SORCS1: variants seen among roughly 807,000 people sequenced by gnomAD.
The protein encoded by SORCS1 is VPS10 domain-containing receptor SorCS1.
In SORCS1, 60 loss-of-function variants were observed where a neutral mutation model predicts 146.1. That is an observed-to-expected ratio of 0.41 (90% CI 0.33 to 0.51). The LOEUF (loss-of-function observed/expected upper bound fraction) is 0.51. Among genes scored for constraint, SORCS1 ranks in the 20% least tolerant of loss-of-function variants. SORCS1 has a pLI of 0.21. For synonymous variants in SORCS1, 637 were observed against 584.0 expected (o/e 1.09, Z -1.31); for missense variants, 1,352 against 1,487.6 (o/e 0.91, Z 1.50).
At chr10:107,096,505 ATT>A (rs1964552573) in intron 1 of SORCS1, among the ~76,000 whole-genome samples, 1 of 151,974 alleles carries the variant, frequency 6.6e-6, no homozygotes, top group Non-Finnish European at 1.5e-5. Context: ...ACCTATCAAT[ATT>A]TTTATTATTT....
At chr10:107,096,548 T>A (rs894504033) in intron 1 of SORCS1, among the ~76,000 whole-genome samples, 2 of 152,182 alleles carry the variant, frequency 1.3e-5, no homozygotes, top group African/African-American at 4.8e-5. Flanking sequence ...AGTCTCCTTC[T>A]GTCGCCAGGC....
intron 3 of SORCS1, among the ~76,000 whole-genome samples, chr10:106,812,221 C>G (rs919012889): frequency 6.6e-6 from 1 of 152,034 alleles, no homozygotes; most frequent in African/African-American, 2.4e-5. Flanking sequence ...AGGATGGTCT[C>G]GATCTCCTGA....
At position 107,112,344 on chromosome 10, in the gene SORCS1, G is replaced by A. The variant is rs139610425; in HGVS notation, c.558+51625C>T. On this transcript the variant is annotated intron_variant, in intron 1 of 25. Coordinates refer to ENST00000263054, the MANE Select transcript of SORCS1 (RefSeq NM_052918.5). ...ATATTATAATTTTAGGATGTTTTAC[G>A]TATGTTCCATGGTAAGGTAACCAGA... 9.2e-5 allele frequency among the ~76,000 whole-genome samples: 14 copies of A among 152,070 alleles called. No homozygotes were observed. The East Asian group carries it at 1.9e-3, about 21-fold the overall frequency.
intron 1 of SORCS1, among the ~76,000 whole-genome samples, chr10:107,002,816 T>C (rs567550624): frequency 7.7e-4 from 118 of 152,302 alleles, no homozygotes; most frequent in Non-Finnish European, 1.2e-3. Flanking sequence ...TAAACACAGA[T>C]GTAAAAGTGC....
chr10:107,120,114 T>C (rs1433340143), intron 1 of SORCS1, among the ~76,000 whole-genome samples: 1 of 152,188 alleles, frequency 6.6e-6, no homozygotes, highest in Non-Finnish European at 1.5e-5. Context: ...TCATTCTTAC[T>C]GTTTATTAGA....
chr10:106,586,826 C>T lies in SORCS1; in HGVS notation c.3266-7352G>A, dbSNP rs1447831887. ...AAAATATTAATTGGATGTGGTGGTGCGTGCCTGTAGTCCTAGCTACTCGAG... is the reference window on the plus strand; with the variant it reads ...AAAATATTAATTGGATGTGGTGGTGTGTGCCTGTAGTCCTAGCTACTCGAG... On this transcript the variant is annotated intron_variant, in intron 24 of 25. Transcript: ENST00000263054. Among the ~76,000 whole-genome samples the T allele has an allele frequency of 2.6e-5, 4 of 152,152 alleles. No individual in the cohort carries two copies. The East Asian group carries it at 7.7e-4, about 29-fold the overall frequency.
intron 3 of SORCS1, among the ~76,000 whole-genome samples, chr10:106,805,111 A>G (rs1947097187): frequency 6.6e-6 from 1 of 152,208 alleles, no homozygotes; most frequent in Admixed American, 6.5e-5. Flanking sequence ...GGACTTGAAA[A>G]GGTATTTTAT....
At chr10:106,656,329 T>C (rs1850283639) in intron 17 of SORCS1, among the ~76,000 whole-genome samples, 1 of 152,098 alleles carries the variant, frequency 6.6e-6, no homozygotes, top group South Asian at 2.1e-4. Flanking sequence ...GGTGAGCAGA[T>C]CATGAGGTCA....
intron 22 of SORCS1, among the ~76,000 whole-genome samples, chr10:106,608,540 G>A (rs922019559): frequency 1.3e-5 from 2 of 152,106 alleles, no homozygotes; most frequent in Non-Finnish European, 1.5e-5. Context: ...CTTCCTGGGT[G>A]TATTGTGCTA....
intron 1 of SORCS1, among the ~76,000 whole-genome samples, chr10:107,035,594 A>G (rs1958873115): frequency 6.6e-6 from 1 of 152,196 alleles, no homozygotes; most frequent in Admixed American, 6.5e-5. Context: ...CAGATTTTCT[A>G]CAGATGAGGC....
chr10:107,164,560 C>T lies in SORCS1; in HGVS notation c.-34G>A. 1 of 1,323,886 alleles carries T rather than the reference C, an allele frequency of 7.6e-7. No homozygotes were observed. Among genetic ancestry groups the T allele is most frequent in the Non-Finnish European group, 9.6e-7 (1 of 1,042,306 alleles). The allele number at this position is 1,323,886 out of a possible 1,614,324, so 82.0% of individuals were successfully genotyped here. On this transcript the variant is annotated 5_prime_UTR_variant, in exon 1 of 26. Transcript: ENST00000263054. This position sits in a 1 kb window ranked among gnomAD's most constrained non-coding sequence, Gnocchi z 6.8. The stretch of plus-strand genomic sequence containing the variant: ...CGAAGAGCAGCGGAGAGAGGGGTCC[C>T]AGAACGAAGGTGGCGGCACGAGCTC...
At chr10:106,794,660 G>T (rs1399597367) in intron 3 of SORCS1, among the ~76,000 whole-genome samples, 1 of 151,794 alleles carries the variant, frequency 6.6e-6, no homozygotes, top group African/African-American at 2.4e-5. Flanking sequence ...CCGCCACCAC[G>T]CCCGGCTAAT....
chr10:106,956,006 T>C (rs1954920056), intron 2 of SORCS1, among the ~76,000 whole-genome samples: 1 of 151,984 alleles, frequency 6.6e-6, no homozygotes, highest in South Asian at 2.1e-4. Flanking sequence ...GGCGCATGCC[T>C]GTAATCCCAG....
At chr10:106,694,338 C>T (rs900507712) in intron 9 of SORCS1, among the ~76,000 whole-genome samples, 25 of 152,256 alleles carry the variant, frequency 1.6e-4, no homozygotes, top group African/African-American at 6.0e-4. Context: ...CGGCTCACTG[C>T]AACCTCCACC....
chr10:107,167,550 C>G (rs902141921), upstream of SORCS1, among the ~76,000 whole-genome samples: 1 of 151,280 alleles, frequency 6.6e-6, no homozygotes, highest in African/African-American at 2.5e-5. Context: ...TTACTGCTCA[C>G]TCTACTCCAT....
chr10:107,079,236 A>C (rs562027419), intron 1 of SORCS1, among the ~76,000 whole-genome samples: 12 of 152,196 alleles, frequency 7.9e-5, no homozygotes, highest in African/African-American at 2.7e-4. Context: ...AAAAAAAAAA[A>C]AAAACTGGTG....
intron 2 of SORCS1, among the ~76,000 whole-genome samples, chr10:106,889,802 G>A (rs1419212898): frequency 1.3e-5 from 2 of 149,480 alleles, no homozygotes; most frequent in South Asian, 2.1e-4. Context: ...GCAGAATAGC[G>A]TGAACCCGGG....
chr10:106,695,856 C>T (rs922985602), intron 9 of SORCS1, among the ~76,000 whole-genome samples: 11 of 152,166 alleles, frequency 7.2e-5, no homozygotes, highest in African/African-American at 2.4e-4. Flanking sequence ...AAGCTGTACC[C>T]TCAACACTTT....
chr10:107,011,873 T>A (rs1397245684), intron 1 of SORCS1, among the ~76,000 whole-genome samples: 1 of 152,230 alleles, frequency 6.6e-6, no homozygotes, highest in African/African-American at 2.4e-5. Flanking sequence ...TATAAAACAC[T>A]AGATCACAAG....
Sources: allele counts gnomAD v4.1 joint callset (sites outside exome capture counted in the v4.1 genomes callset), GRCh38; gene constraint gnomAD v4.1.1; non-coding constraint Gnocchi (gnomAD v3.1); transcripts MANE v1.5; gene names NCBI Gene and HGNC (gene_info 2026-07-23, HGNC 2026-07-21).